The following OSTM1 variants were observed in gnomAD, a reference collection of about 807,000 sequenced individuals.
The protein encoded by OSTM1 is osteopetrosis-associated transmembrane protein 1.
OSTM1 carries 26 observed loss-of-function variants against 35.4 expected under a neutral mutation model. That is an observed-to-expected ratio of 0.73 (90% CI 0.54 to 1.02). The LOEUF is 1.02. Ranked by LOEUF, OSTM1 falls within the 50% of genes least tolerant of loss-of-function variation. The probability of loss-of-function intolerance (pLI) is 0.00; values close to 1 mark genes in which losing one functional copy is unlikely to be tolerated. For synonymous variants in OSTM1, 181 were observed against 165.0 expected (o/e 1.10, Z -0.75); for missense variants, 366 against 409.6 (o/e 0.89, Z 0.92).
chr6:108,048,739 T>C (rs1772024288), intron 5 of OSTM1, among the ~76,000 whole-genome samples: 1 of 149,732 alleles, frequency 6.7e-6, no homozygotes, highest in South Asian at 2.1e-4. Flanking sequence ...TGAAAGACAC[T>C]GTGTTTTAAC....
chr6:108,070,762 C>T lies in OSTM1; in HGVS notation c.402+3488G>A, dbSNP rs183756581. On this transcript the variant is annotated intron_variant, in intron 1 of 5. Coordinates refer to ENST00000193322, the MANE Select transcript of OSTM1 (RefSeq NM_014028.4). Reference sequence around the variant, plus strand: ...AAAATTAGCCAGGCGTGGTGGTGGGCGCCTGTAATCCCAGCTACTTGGGAG... The same window carrying T: ...AAAATTAGCCAGGCGTGGTGGTGGGTGCCTGTAATCCCAGCTACTTGGGAG... Among the ~76,000 whole-genome samples, 974 of 151,874 alleles carry T rather than the reference C, an allele frequency of 6.4e-3. 15 individuals carry two copies. Among genetic ancestry groups the T allele is most frequent in the African/African-American group, 0.02 (834 of 41,436 alleles).
chr6:108,050,989 A>C, intron 4 of OSTM1, 42 bp downstream of exon 4: 2 of 1,480,104 alleles, frequency 1.4e-6, no homozygotes, highest in Non-Finnish European at 1.9e-6. Flanking sequence ...TACATTCAAT[A>C]ACACTCTAAA....
chr6:108,062,955 G>A (rs890826254), intron 2 of OSTM1, among the ~76,000 whole-genome samples: 1 of 148,368 alleles, frequency 6.7e-6, no homozygotes, highest in East Asian at 2.0e-4. Context: ...TATGCTTCCT[G>A]GAACATCTGT....
At chr6:108,059,068 T>C (rs145478949) in intron 2 of OSTM1, among the ~76,000 whole-genome samples, 8 of 152,262 alleles carry the variant, frequency 5.3e-5, no homozygotes, top group Non-Finnish European at 1.0e-4. Context: ...CCTATCTCAT[T>C]ATAATAATGC....
chr6:108,065,710 T>G (rs1166397724), intron 1 of OSTM1, among the ~76,000 whole-genome samples: 1 of 152,202 alleles, frequency 6.6e-6, no homozygotes, highest in East Asian at 1.9e-4. Flanking sequence ...GCACACTGTC[T>G]GGCACACAGT....
At chr6:108,048,210 T>C (rs1012344073) in intron 5 of OSTM1, among the ~76,000 whole-genome samples, 7 of 152,224 alleles carry the variant, frequency 4.6e-5, no homozygotes. Context: ...TCGAAATTTA[T>C]AGGGAAAAGA....
Position 108,067,908 on chromosome 6 carries a change from C to T in OSTM1, c.403-3609G>A, listed in dbSNP as rs147223524. On this transcript the variant is annotated intron_variant, in intron 1 of 5. Transcript: ENST00000193322. Reference sequence around the variant, plus strand: ...GTCCCACATTGCTCTTTAGTGACTTCTCTTTCTTATCTCCCCATCAAGGCC... The same window carrying T: ...GTCCCACATTGCTCTTTAGTGACTTTTCTTTCTTATCTCCCCATCAAGGCC... Among the ~76,000 whole-genome samples, 295 of 150,972 alleles carry T rather than the reference C, an allele frequency of 2.0e-3. 1 individual carries two copies. The highest frequency in any genetic ancestry group is 6.7e-3 in the African/African-American group (275 of 41,192).
intron 2 of OSTM1, among the ~76,000 whole-genome samples, chr6:108,061,935 T>G (rs1460933016): frequency 6.6e-6 from 1 of 152,142 alleles, no homozygotes; most frequent in African/African-American, 2.4e-5. Context: ...TAGTCAACTC[T>G]TATCTTCAAG....
chr6:108,041,895 G>A lies in OSTM1; in HGVS notation c.*2890C>T, dbSNP rs1771873847. 6.6e-6 allele frequency: 1 copy of A among 152,100 alleles called. No homozygotes were observed. Among genetic ancestry groups the A allele is most frequent in the African/African-American group, 2.4e-5 (1 of 41,412 alleles). 9.4% of individuals were successfully genotyped at this position (152,100 alleles called of 1,614,324 possible). ...CTAGCTCAGAAAATAGAGGTACTTGGAACATAATTTTTTAAATTTTAAATG... is the reference window on the plus strand; with the variant it reads ...CTAGCTCAGAAAATAGAGGTACTTGAAACATAATTTTTTAAATTTTAAATG... On this transcript the variant is annotated 3_prime_UTR_variant, in exon 6 of 6. Transcript: ENST00000193322.
chr6:108,071,428 C>T lies in OSTM1; in HGVS notation c.402+2822G>A, dbSNP rs187740370. 1.7e-3 allele frequency among the ~76,000 whole-genome samples: 253 copies of T among 150,586 alleles called. 1 individual carries two copies. The highest frequency in any genetic ancestry group is 5.9e-3 in the African/African-American group (242 of 41,012). On this transcript the variant is annotated intron_variant, in intron 1 of 5. Coordinates refer to ENST00000193322, the MANE Select transcript of OSTM1 (RefSeq NM_014028.4). ...TCAAGCAATTCTCCTGCCTCAGCCT[C>T]CTGAGTAGCTGCGCACCACCACACC...
At chr6:108,045,134 A>G (rs1308558507) in intron 5 of OSTM1, among the ~76,000 whole-genome samples, 4 of 152,200 alleles carry the variant, frequency 2.6e-5, no homozygotes, top group Non-Finnish European at 5.9e-5. Context: ...AAATAAATGT[A>G]CTTAGACAAT....
chr6:108,047,827 A>G (rs889741305), intron 5 of OSTM1, among the ~76,000 whole-genome samples: 8 of 152,380 alleles, frequency 5.3e-5, no homozygotes, highest in Non-Finnish European at 8.8e-5. Context: ...TTTTACTTTG[A>G]CAGCAAACAA....
intron 3 of OSTM1, among the ~76,000 whole-genome samples, 153 bp from the exon 4 acceptor site, chr6:108,051,351 G>A (rs925173736): frequency 7.9e-5 from 12 of 152,186 alleles, no homozygotes; most frequent in African/African-American, 2.9e-4. Flanking sequence ...ATCACTCTGA[G>A]TCTCAGTTTT....
At position 108,044,857 on chromosome 6, in the gene OSTM1, A is replaced by G; in HGVS notation, c.950-17T>C. The G allele has an allele frequency of 7.2e-7, 1 of 1,390,310 alleles. No individual in the cohort carries two copies. Among genetic ancestry groups the G allele is most frequent in the Non-Finnish European group, 1.0e-6 (1 of 1,002,860 alleles). 86.1% of individuals were successfully genotyped at this position (1,390,310 alleles called of 1,614,324 possible). A position where few individuals can be genotyped will look rare whatever the true frequency, so the allele number is the denominator to read the frequency against. ...GACGTTTGGCTAGATAAATCAAAAG[A>G]ATTATATTTTAATTTAAATTTAATT... is the stretch of plus-strand genomic sequence containing the variant. On this transcript the variant is annotated splice_polypyrimidine_tract_variant and intron_variant, in intron 5 of 5. Transcript: ENST00000193322.
chr6:108,047,278 G>A (rs1771993423), intron 5 of OSTM1, among the ~76,000 whole-genome samples: 1 of 152,134 alleles, frequency 6.6e-6, no homozygotes, highest in Non-Finnish European at 1.5e-5. Context: ...AGAGGGAAGG[G>A]CCTTGGAAAA....
At chr6:108,047,678 G>C (rs770510007) in intron 5 of OSTM1, among the ~76,000 whole-genome samples, 2 of 152,158 alleles carry the variant, frequency 1.3e-5, no homozygotes, top group Non-Finnish European at 2.9e-5. Context: ...GGACTAAGCA[G>C]AACTGGCAGC....
At chr6:108,048,193 G>A (rs994042138) in intron 5 of OSTM1, among the ~76,000 whole-genome samples, 7 of 152,128 alleles carry the variant, frequency 4.6e-5, no homozygotes, top group African/African-American at 1.7e-4. Flanking sequence ...GTTAGATGAA[G>A]TAGTGATCGA....
intron 3 of OSTM1, among the ~76,000 whole-genome samples, chr6:108,054,002 G>A (rs954101384): frequency 6.6e-6 from 1 of 152,120 alleles, no homozygotes; most frequent in African/African-American, 2.4e-5. Context: ...TAATCTACAA[G>A]GTTAAGATTC....
In OSTM1 at chr6:108,074,241, T is replaced by C. The variant is rs1772541858; in HGVS notation, c.402+9A>G. The C allele has an allele frequency of 6.2e-7, 1 of 1,611,830 alleles. No individual in the cohort carries two copies. The highest frequency in any genetic ancestry group is 1.1e-5 in the South Asian group (1 of 90,914). ...TGAGCCACAGTCCCGGACGTGGTCC[T>C]GTACCCACCCCCGCGGCTCGGCTGA... On this transcript the variant is annotated intron_variant, in intron 1 of 5. Transcript: ENST00000193322.
Sources: gnomAD v4.1 joint callset for allele counts (sites outside exome capture counted in the v4.1 genomes callset) on GRCh38, gnomAD v4.1.1 for gene constraint, MANE v1.5 for transcripts, NCBI Gene and HGNC (gene_info 2026-07-23, HGNC 2026-07-21) for gene names.